The following REDIC1 variants were observed in gnomAD, a reference collection of about 807,000 sequenced individuals.
REDIC1 encodes the protein regulator of DNA class I crossover intermediates 1.
the REDIC1 span, among the ~76,000 whole-genome samples, chr12:39,822,116 A>G: frequency 1.8e-4 from 22 of 121,998 alleles, no homozygotes; most frequent in African/African-American, 5.5e-4. Context: ...TCCCCTTCCT[A>G]TGTCCATGTG....
At chr12:39,790,461 T>C in the REDIC1 span, among the ~76,000 whole-genome samples, 1 of 149,232 alleles carries the variant, frequency 6.7e-6, no homozygotes, top group African/African-American at 2.5e-5. Context: ...TGAGTGAGAA[T>C]ATGCGGTGTT....
At chr12:39,686,853 G>T in the REDIC1 span, among the ~76,000 whole-genome samples, 1 of 152,260 alleles carries the variant, frequency 6.6e-6, no homozygotes, top group South Asian at 2.1e-4. Context: ...GAAGCAGCTG[G>T]TCCATATCTT....
chr12:39,782,992 T>C, the REDIC1 span, among the ~76,000 whole-genome samples: 2 of 152,152 alleles, frequency 1.3e-5, no homozygotes, highest in South Asian at 4.1e-4. Context: ...TTTACATTAC[T>C]TATGTCTCTT....
At chr12:39,863,086 C>T in the REDIC1 span, among the ~76,000 whole-genome samples, 3 of 152,040 alleles carry the variant, frequency 2.0e-5, no homozygotes, top group Non-Finnish European at 2.9e-5. Flanking sequence ...CACTGACTCC[C>T]GAAGGACACC....
the REDIC1 span, among the ~76,000 whole-genome samples, chr12:39,704,052 CA>C: frequency 6.6e-6 from 1 of 152,178 alleles, no homozygotes; most frequent in Non-Finnish European, 1.5e-5. Context: ...GCAATGGCAA[CA>C]AAAGCCAAAA....
the REDIC1 span, chr12:39,871,827 C>T: frequency 8.1e-6 from 13 of 1,610,020 alleles, no homozygotes; most frequent in Admixed American, 5.1e-5. Context: ...AAGCTTTCTG[C>T]GGCCCACCTT....
the REDIC1 span, among the ~76,000 whole-genome samples, chr12:39,693,078 CT>C: frequency 2.6e-5 from 4 of 151,958 alleles, no homozygotes; most frequent in Non-Finnish European, 5.9e-5. Flanking sequence ...GCTCATGTTC[CT>C]TTTCTGAAGT....
the REDIC1 span, among the ~76,000 whole-genome samples, chr12:39,711,563 G>GTA: frequency 2.5e-5 from 1 of 40,476 alleles, no homozygotes; most frequent in South Asian, 6.2e-4. Context: ...ACACATGCAT[G>GTA]TGTATATGTG....
the REDIC1 span, among the ~76,000 whole-genome samples, chr12:39,850,214 C>T: frequency 2.6e-5 from 4 of 152,138 alleles, no homozygotes; most frequent in African/African-American, 4.8e-5. Flanking sequence ...GGAGTTAGTA[C>T]TTTAATGCAT....
chr12:39,826,601 T>G, the REDIC1 span, among the ~76,000 whole-genome samples: 1,454 of 151,368 alleles, frequency 9.6e-3, 19 homozygotes, highest in African/African-American at 0.032. Context: ...AATTTCTTTC[T>G]GAAAAAAAAT....
chr12:39,792,755 G>C, the REDIC1 span, among the ~76,000 whole-genome samples: 3 of 151,574 alleles, frequency 2.0e-5, no homozygotes, highest in East Asian at 3.9e-4. Flanking sequence ...ATTCCTGTTT[G>C]GTTGTAGATT....
At chr12:39,849,357 CT>C in the REDIC1 span, among the ~76,000 whole-genome samples, 3 of 152,052 alleles carry the variant, frequency 2.0e-5, no homozygotes, top group African/African-American at 7.2e-5. Flanking sequence ...GAAAGGTGAC[CT>C]AAAAGTCTCA....
the REDIC1 span, among the ~76,000 whole-genome samples, chr12:39,805,141 C>G: frequency 8.1e-6 from 1 of 123,998 alleles, no homozygotes; most frequent in East Asian, 2.8e-4. Flanking sequence ...CAAGGGCAGG[C>G]CAGGCCAGGC....
At chr12:39,842,530 C>T in the REDIC1 span, among the ~76,000 whole-genome samples, 1 of 151,974 alleles carries the variant, frequency 6.6e-6, no homozygotes, top group Admixed American at 6.6e-5. Flanking sequence ...CAGTAGGAGG[C>T]AATGGTTACA....
chr12:39,693,413 A>G, the REDIC1 span, among the ~76,000 whole-genome samples: 46 of 150,622 alleles, frequency 3.1e-4, no homozygotes, highest in East Asian at 9.0e-3. Context: ...CTGCAACATG[A>G]GTATTTTTTT....
At chr12:39,803,839 T>G in the REDIC1 span, among the ~76,000 whole-genome samples, 2 of 152,118 alleles carry the variant, frequency 1.3e-5, no homozygotes, top group Non-Finnish European at 2.9e-5. Context: ...TGGCTGAGAA[T>G]TTTTCATAAC....
the REDIC1 span, among the ~76,000 whole-genome samples, chr12:39,717,958 C>T: frequency 1.4e-3 from 217 of 150,776 alleles, 1 homozygote; most frequent in Middle Eastern, 0.014. Flanking sequence ...TCTTGAAACC[C>T]TTCACCTTTC....
At chr12:39,853,545 TTTTC>T in the REDIC1 span, among the ~76,000 whole-genome samples, 2,338 of 152,036 alleles carry the variant, frequency 0.015, 60 homozygotes, top group African/African-American at 0.048. Flanking sequence ...CTTTCTTTTC[TTTTC>T]TTTCTTTCTT....
the REDIC1 span, among the ~76,000 whole-genome samples, chr12:39,711,611 G>C: frequency 2.0e-5 from 2 of 97,572 alleles, no homozygotes; most frequent in African/African-American, 6.4e-5. Flanking sequence ...ACACATGCAT[G>C]TGTATGTGTA....
Sources: gnomAD v4.1 joint callset for allele counts (sites outside exome capture counted in the v4.1 genomes callset) on GRCh38, gnomAD v4.1.1 for gene constraint, MANE v1.5 for transcripts, NCBI Gene and HGNC (gene_info 2026-07-23, HGNC 2026-07-21) for gene names.